ZEB1: variants seen among roughly 807,000 people sequenced by gnomAD.
ZEB1 encodes the protein zinc finger E-box-binding homeobox 1.
A neutral mutation model predicts 84.9 loss-of-function variants in ZEB1; 21 were observed. The ratio of observed to expected loss-of-function variants is 0.25; its 90% CI spans 0.18 to 0.36. ZEB1 has a LOEUF of 0.36. Among genes scored for constraint, ZEB1 ranks in the 10% least tolerant of loss-of-function variants. The pLI is 1.00. For synonymous variants in ZEB1, 420 were observed against 471.1 expected, an observed-to-expected ratio of 0.89 and a Z score of 1.41; for missense variants, 1,104 against 1,330.2, an observed-to-expected ratio of 0.83 and a Z score of 2.65.
At chr10:31,418,941 T>C (rs2055675216) in intron 1 of ZEB1, among the ~76,000 whole-genome samples, 1 of 152,112 alleles carries the variant, frequency 6.6e-6, no homozygotes, top group African/African-American at 2.4e-5. Context: ...GTAAGTATAA[T>C]GTACATATTC....
rs578207159 is a variant in ZEB1, at chr10:31,413,673, C to A, written c.59-47364C>A. ...CAAGAGGCATTTAGTGGTTTTCCTT[C>A]AGGGCAAAAAGTTTGAAAGAGAAAA... On this transcript the variant is annotated intron_variant, in intron 1 of 8. Transcript: ENST00000424869. 5.3e-5 allele frequency among the ~76,000 whole-genome samples: 8 copies of A among 151,930 alleles called. 1 individual carries two copies. The highest frequency in any genetic ancestry group is 5.2e-4 in the Admixed American group (8 of 15,240).
chr10:31,473,699 G>GA lies in ZEB1; in HGVS notation c.259+12468dup, dbSNP rs1270463185. On this transcript the variant is annotated intron_variant, in intron 2 of 8. Transcript: ENST00000424869. ...ACCAATGACTTTCTTCACAGAATTGGAAAAAACTACTTTAAAGTTCATATG... is the reference window on the plus strand; with the variant it reads ...ACCAATGACTTTCTTCACAGAATTGGAAAAAAACTACTTTAAAGTTCATATG... Among the ~76,000 whole-genome samples, 5 of 148,922 alleles carry GA rather than the reference G, an allele frequency of 3.4e-5. No individual in the cohort carries two copies. In the East Asian group the frequency reaches 7.8e-4, roughly 23 times the overall value.
At chr10:31,524,971 C>A (rs1424523231) in intron 8 of ZEB1, among the ~76,000 whole-genome samples, 2 of 152,142 alleles carry the variant, frequency 1.3e-5, no homozygotes, top group African/African-American at 2.4e-5. Context: ...TCAGGGATGG[C>A]AAACTATAGC....
intron 1 of ZEB1, among the ~76,000 whole-genome samples, chr10:31,382,025 A>AAAAAAAAAAAAAAAAAC (rs1564659083): frequency 6.8e-6 from 1 of 146,072 alleles, no homozygotes; most frequent in African/African-American, 2.7e-5. Flanking sequence ...AAAAAAAAAA[A>AAAAAAAAAAAAAAAAAC]AAAAAAAAAC....
Position 31,319,426 on chromosome 10 carries a change from A to T in ZEB1, c.58+134A>T, listed in dbSNP as rs1029490560. On this transcript the variant is annotated intron_variant, in intron 1 of 8. Transcript: ENST00000424869. Reference sequence around the variant, plus strand: ...ACGGCAAAGTGGAGTGGGAAAGTAGAAAGTAGTGCTCTCTGCCCCCCTCCG... The same window carrying T: ...ACGGCAAAGTGGAGTGGGAAAGTAGTAAGTAGTGCTCTCTGCCCCCCTCCG... The T allele has an allele frequency of 9.3e-6, 8 of 857,040 alleles. No homozygotes were observed. The African/African-American group carries it at 1.2e-4, about 13-fold the overall frequency. The allele number at this position is 857,040 out of a possible 1,614,324, so 53.1% of individuals were successfully genotyped here.
intron 2 of ZEB1, among the ~76,000 whole-genome samples, chr10:31,489,633 G>T (rs1339658498): frequency 6.6e-6 from 1 of 150,814 alleles, no homozygotes; most frequent in East Asian, 2.0e-4. Context: ...ATGTATCTTT[G>T]TATAGATTTC....
chr10:31,469,941 C>A (rs1433857881), intron 2 of ZEB1, among the ~76,000 whole-genome samples: 1 of 152,212 alleles, frequency 6.6e-6, no homozygotes, highest in Non-Finnish European at 1.5e-5. Context: ...AGGCACCCCC[C>A]AGCAGGGGCA....
intron 1 of ZEB1, among the ~76,000 whole-genome samples, chr10:31,421,095 C>G (rs890836942): frequency 6.6e-6 from 1 of 152,048 alleles, no homozygotes; most frequent in Non-Finnish European, 1.5e-5. Context: ...CTGCCTTGTA[C>G]CAATTTAGGG....
intron 1 of ZEB1, among the ~76,000 whole-genome samples, chr10:31,364,459 G>A (rs995944948): frequency 5.9e-5 from 9 of 152,188 alleles, no homozygotes; most frequent in Non-Finnish European, 1.2e-4. Context: ...AGGTTACAGG[G>A]CCAGAACCTG....
intron 1 of ZEB1, among the ~76,000 whole-genome samples, chr10:31,349,752 T>G (rs574082630): frequency 6.6e-6 from 1 of 152,318 alleles, no homozygotes; most frequent in East Asian, 1.9e-4. Flanking sequence ...TGCTGTTTTT[T>G]TATTAGGTTT....
At chr10:31,367,725 A>G (rs2044802935) in intron 1 of ZEB1, among the ~76,000 whole-genome samples, 1 of 152,156 alleles carries the variant, frequency 6.6e-6, no homozygotes, top group Non-Finnish European at 1.5e-5. Context: ...AATGATATGA[A>G]TGTAAACTGG....
chr10:31,381,115 TG>T (rs1295093114), intron 1 of ZEB1, among the ~76,000 whole-genome samples: 1 of 152,204 alleles, frequency 6.6e-6, no homozygotes, highest in Non-Finnish European at 1.5e-5. Context: ...TCACCATTTT[TG>T]TTACAAATTT....
intron 2 of ZEB1, among the ~76,000 whole-genome samples, chr10:31,490,267 C>G (rs373243322): frequency 6.6e-6 from 1 of 151,436 alleles, no homozygotes; most frequent in East Asian, 1.9e-4. Flanking sequence ...AAACATTATT[C>G]AGTTTTTTTT....
chr10:31,428,107 A>G (rs1015506367), intron 1 of ZEB1, among the ~76,000 whole-genome samples: 4 of 151,830 alleles, frequency 2.6e-5, no homozygotes, highest in Non-Finnish European at 5.9e-5. Flanking sequence ...GTCTTTTGCT[A>G]GCTTTGGGAT....
intron 1 of ZEB1, chr10:31,373,071 A>G (rs981090795): frequency 3.0e-6 from 3 of 985,532 alleles, no homozygotes; most frequent in African/African-American, 1.7e-5. Flanking sequence ...ATCTGAAGAC[A>G]TGATCATCCA....
chr10:31,342,611 T>C (rs1035824394), intron 1 of ZEB1, among the ~76,000 whole-genome samples: 1 of 152,144 alleles, frequency 6.6e-6, no homozygotes, highest in Non-Finnish European at 1.5e-5. Flanking sequence ...AGGAACATTA[T>C]GATACCATCC....
intron 1 of ZEB1, among the ~76,000 whole-genome samples, chr10:31,325,995 T>A (rs1267137760): frequency 2.7e-5 from 4 of 149,808 alleles, no homozygotes; most frequent in Non-Finnish European, 4.4e-5. Context: ...AAGTAGATAG[T>A]GCTGAGTGTA....
At position 31,351,420 on chromosome 10, in the gene ZEB1, GC is replaced by G. The variant is rs35753193; in HGVS notation, c.58+32129del. On this transcript the variant is annotated intron_variant, in intron 1 of 8. Transcript: ENST00000424869. ...TAACTTTTCAGCATCAGTCTGATAA[GC>G]ATAGAATTTTCAAAATTCTTTACTT... Among the ~76,000 whole-genome samples, 3,203 of 152,162 alleles carry G rather than the reference GC, an allele frequency of 0.021. 291 individuals are homozygous for G. In the East Asian group the frequency reaches 0.3, roughly 14 times the overall value.
chr10:31,379,164 C>G (rs2047197093), intron 1 of ZEB1, among the ~76,000 whole-genome samples: 1 of 151,982 alleles, frequency 6.6e-6, no homozygotes. Context: ...TCATTTGAAT[C>G]ATGAGATAAT....
Sources: allele counts gnomAD v4.1 joint callset (sites outside exome capture counted in the v4.1 genomes callset), GRCh38; gene constraint gnomAD v4.1.1; transcripts MANE v1.5; gene names NCBI Gene and HGNC (gene_info 2026-07-23, HGNC 2026-07-21).